Variants in DLG2 observed in about 807,000 individuals in gnomAD.
DLG2 encodes discs large MAGUK scaffold protein 2.
DLG2 carries 45 observed loss-of-function variants against 132.5 expected under a neutral mutation model. The ratio of observed to expected loss-of-function variants is 0.34; its 90% confidence interval spans 0.27 to 0.44. The LOEUF (loss-of-function observed/expected upper bound fraction) is 0.44. DLG2 is among the 20% of genes least tolerant of loss of function. DLG2 has a pLI of 1.00. For missense variants in DLG2, 1,045 were observed against 1,196.9 expected, an observed-to-expected ratio of 0.87 and a Z score of 1.87; for synonymous variants, 424 against 419.6, an observed-to-expected ratio of 1.01 and a Z score of -0.13.
chr11:84,614,731 T>C (rs1253318162), intron 6 of DLG2, among the ~76,000 whole-genome samples: 1 of 152,150 alleles, frequency 6.6e-6, no homozygotes, highest in Non-Finnish European at 1.5e-5. Context: ...CAAAGTCATC[T>C]TGAGATTATG....
At chr11:85,472,517 C>G (rs1240535615) in intron 3 of DLG2, among the ~76,000 whole-genome samples, 2 of 152,120 alleles carry the variant, frequency 1.3e-5, no homozygotes, top group Non-Finnish European at 1.5e-5. Flanking sequence ...CCAGGATGGT[C>G]TTGATCTCTT....
intron 5 of DLG2, among the ~76,000 whole-genome samples, chr11:85,146,230 C>CTCTCTCTT (rs2076843250): frequency 1.1e-5 from 1 of 94,600 alleles, no homozygotes; most frequent in African/African-American, 4.8e-5. Flanking sequence ...GTTTCTCCCT[C>CTCTCTCTT]TCTCTCTCTC....
chr11:84,971,946 A>T (rs1317641148), intron 6 of DLG2, among the ~76,000 whole-genome samples: 1 of 152,180 alleles, frequency 6.6e-6, no homozygotes, highest in Non-Finnish European at 1.5e-5. Flanking sequence ...TATATTTCTA[A>T]GGCACTTTGC....
At chr11:84,921,655 A>G (rs1229514087) in intron 6 of DLG2, among the ~76,000 whole-genome samples, 1 of 152,172 alleles carries the variant, frequency 6.6e-6, no homozygotes, top group East Asian at 1.9e-4. Flanking sequence ...TTATCTCTTT[A>G]TCTAAATTAT....
intron 6 of DLG2, among the ~76,000 whole-genome samples, chr11:84,889,475 A>G (rs1226213338): frequency 2.0e-5 from 3 of 152,130 alleles, no homozygotes; most frequent in African/African-American, 4.8e-5. Flanking sequence ...TTAATTGGTC[A>G]GTATTCCTAC....
intron 11 of DLG2, among the ~76,000 whole-genome samples, chr11:83,988,305 TG>T (rs1238647563): frequency 6.6e-6 from 1 of 152,196 alleles, no homozygotes; most frequent in Non-Finnish European, 1.5e-5. Context: ...AGTTAATTTT[TG>T]TACAAGGTAT....
chr11:83,620,215 A>G (rs992007941), intron 19 of DLG2, among the ~76,000 whole-genome samples: 5 of 152,154 alleles, frequency 3.3e-5, no homozygotes, highest in African/African-American at 1.2e-4. Context: ...AGAATATACA[A>G]TGTTATAAAA....
At chr11:84,212,991 T>G (rs2096777398) in intron 8 of DLG2, among the ~76,000 whole-genome samples, 1 of 152,206 alleles carries the variant, frequency 6.6e-6, no homozygotes, top group African/African-American at 2.4e-5. Flanking sequence ...GGTAGGTAGA[T>G]AGTTCCCGTC....
At chr11:85,012,845 T>A (rs147786142) in intron 6 of DLG2, among the ~76,000 whole-genome samples, 61 of 152,310 alleles carry the variant, frequency 4.0e-4, no homozygotes, top group African/African-American at 1.4e-3. Context: ...TTGATTTGAA[T>A]TCCAGCACTG....
intron 7 of DLG2, among the ~76,000 whole-genome samples, chr11:84,478,007 G>A (rs1008505599): frequency 6.6e-6 from 1 of 152,050 alleles, no homozygotes; most frequent in Non-Finnish European, 1.5e-5. Context: ...TGAGGAATCC[G>A]AGGCACAGAG....
At chr11:84,025,204 G>A (rs562138137) in intron 11 of DLG2, among the ~76,000 whole-genome samples, 1 of 152,180 alleles carries the variant, frequency 6.6e-6, no homozygotes, top group East Asian at 1.9e-4. Flanking sequence ...TGGACTCAGT[G>A]CTACATGGCT....
intron 4 of DLG2, among the ~76,000 whole-genome samples, chr11:85,162,724 T>C (rs538570170): frequency 1.3e-5 from 2 of 152,330 alleles, no homozygotes; most frequent in South Asian, 2.1e-4. Context: ...AGTTGTATTA[T>C]GTTAGATGTA....
At chr11:83,698,875 G>A (rs1234978254) in intron 18 of DLG2, among the ~76,000 whole-genome samples, 1 of 152,166 alleles carries the variant, frequency 6.6e-6, no homozygotes, top group Non-Finnish European at 1.5e-5. Context: ...CGCCAGGTGG[G>A]ATCAGGTGAT....
At position 85,604,940 on chromosome 11, in the gene DLG2, T is replaced by C. The variant is rs775892857; in HGVS notation, c.-92-6152A>G. 6.6e-5 allele frequency among the ~76,000 whole-genome samples: 10 copies of C among 152,222 alleles called. No homozygotes were observed. The South Asian group carries it at 2.1e-3, about 32-fold the overall frequency. On this transcript the variant is annotated intron_variant, in intron 2 of 27. Coordinates refer to ENST00000376104, the MANE Select transcript of DLG2 (RefSeq NM_001142699.3). ...ACTTTTAGAGAAAAGAAAATGATGA[T>C]ACATAAAATCATTTGCCATGGCTTA...
chr11:84,646,716 GA>G, intron 6 of DLG2, among the ~76,000 whole-genome samples: 1 of 150,370 alleles, frequency 6.7e-6, no homozygotes, highest in East Asian at 2.0e-4. Context: ...AAAAAAAAAG[GA>G]AAAAAAGCAA....
intron 9 of DLG2, among the ~76,000 whole-genome samples, chr11:84,113,327 C>A (rs1267581718): frequency 6.6e-6 from 1 of 152,100 alleles, no homozygotes; most frequent in Non-Finnish European, 1.5e-5. Flanking sequence ...AATAAAAATA[C>A]TGTGCAATTA....
At chr11:84,388,459 G>A (rs1240796707) in intron 7 of DLG2, among the ~76,000 whole-genome samples, 1 of 152,122 alleles carries the variant, frequency 6.6e-6, no homozygotes, top group African/African-American at 2.4e-5. Flanking sequence ...TTGTGATGAT[G>A]TAATGAGGTG....
intron 10 of DLG2, among the ~76,000 whole-genome samples, chr11:84,062,053 G>C (rs1227926081): frequency 6.6e-6 from 1 of 152,090 alleles, no homozygotes; most frequent in Non-Finnish European, 1.5e-5. Flanking sequence ...TCATAGAAGG[G>C]AGTGGCTGAC....
Position 83,770,255 on chromosome 11 carries a change from G to GTTTTTTTTTTTT in DLG2, c.1825+16434_1825+16435insAAAAAAAAAAAA, listed in dbSNP as rs143065797. Among the ~76,000 whole-genome samples, 129 of 109,802 alleles carry GTTTTTTTTTTTT rather than the reference G, an allele frequency of 1.2e-3. 4 individuals are homozygous for GTTTTTTTTTTTT. Among genetic ancestry groups the GTTTTTTTTTTTT allele is most frequent in the Middle Eastern group, 4.7e-3 (1 of 212 alleles). The allele number at this position is 109,802 out of a possible 152,430, so 72.0% of individuals were successfully genotyped here. A position where few individuals can be genotyped will look rare whatever the true frequency, so the allele number is the denominator to read the frequency against. The stretch of plus-strand genomic sequence containing the variant: ...TACCTTTTGTCTCGTGGTGTCTGGT[G>GTTTTTTTTTTTT]TTTTTTTTTGTTTTTTTGCTTTTTG... On this transcript the variant is annotated intron_variant, in intron 18 of 27. Coordinates refer to ENST00000376104, the MANE Select transcript of DLG2 (RefSeq NM_001142699.3).
Sources: gnomAD v4.1 joint callset for allele counts (sites outside exome capture counted in the v4.1 genomes callset) on GRCh38, gnomAD v4.1.1 for gene constraint, MANE v1.5 for transcripts, NCBI Gene and HGNC (gene_info 2026-07-23, HGNC 2026-07-21) for gene names.